Variants in NREP observed in about 807,000 individuals in gnomAD.
NREP encodes the protein neuronal regeneration related protein.
Under a neutral mutation model 8.6 loss-of-function variants are expected in NREP, and 5 were observed. The ratio of observed to expected loss-of-function variants is 0.58; its 90% CI spans 0.30 to 1.22. The LOEUF (loss-of-function observed/expected upper bound fraction) is 1.22, where lower values mean the gene tolerates loss of function less well. NREP is among the 50% of genes most tolerant of loss of function. The probability of loss-of-function intolerance (pLI) is 0.07; values close to 1 mark genes in which losing one functional copy is unlikely to be tolerated. For missense variants in NREP, 86 were observed against 82.5 expected (o/e 1.04, Z -0.17); for synonymous variants, 27 against 28.0 (o/e 0.96, Z 0.11).
intron 2 of NREP, among the ~76,000 whole-genome samples, chr5:111,899,360 A>C (rs1754587709): frequency 1.3e-5 from 2 of 152,256 alleles, no homozygotes; most frequent in African/African-American, 2.4e-5. Flanking sequence ...CAGAACATTT[A>C]AAAATTAGTC....
At chr5:111,955,598 G>A (rs1006461602) in intron 2 of NREP, among the ~76,000 whole-genome samples, 1 of 152,062 alleles carries the variant, frequency 6.6e-6, no homozygotes, top group East Asian at 1.9e-4. Flanking sequence ...TGTGTAAGGG[G>A]AACTTCGTGG....
chr5:111,752,375 G>A (rs1750415184), intron 2 of NREP, among the ~76,000 whole-genome samples: 1 of 152,060 alleles, frequency 6.6e-6, no homozygotes, highest in Non-Finnish European at 1.5e-5. Context: ...CTGTTCACTG[G>A]AAACTGTGGT....
rs1470388912 is a variant in NREP at position 111,884,150 on chromosome 5, C to T, written c.135+91124G>A. On this transcript the variant is annotated intron_variant, in intron 2 of 3. Transcript: ENST00000395634. ...AAAATGATAAAGGGGATATCACCAC[C>T]GATCCCACAGAAATACAAACTACCA... 7.3e-5 allele frequency among the ~76,000 whole-genome samples: 11 copies of T among 151,708 alleles called. No individual in the cohort carries two copies. The East Asian group carries it at 9.7e-4, about 13-fold the overall frequency.
intron 2 of NREP, among the ~76,000 whole-genome samples, chr5:111,864,784 C>T (rs1753628893): frequency 6.6e-6 from 1 of 151,800 alleles, no homozygotes; most frequent in African/African-American, 2.4e-5. Flanking sequence ...AATATCGTAC[C>T]TATCAAAATT....
intron 2 of NREP, among the ~76,000 whole-genome samples, chr5:111,888,388 G>C (rs1754314874): frequency 6.6e-6 from 1 of 152,094 alleles, no homozygotes; most frequent in Non-Finnish European, 1.5e-5. Context: ...AGGCAAAGGA[G>C]AAGCAAGGCA....
intron 2 of NREP, among the ~76,000 whole-genome samples, chr5:111,933,308 T>C (rs2112602315): frequency 6.6e-6 from 1 of 152,232 alleles, no homozygotes; most frequent in African/African-American, 2.4e-5. Flanking sequence ...ACACAGATTA[T>C]TTTCCTTAGT....
chr5:111,769,821 G>C (rs967022700), intron 2 of NREP, among the ~76,000 whole-genome samples: 1 of 152,032 alleles, frequency 6.6e-6, no homozygotes, highest in Non-Finnish European at 1.5e-5. Context: ...GAACAACAAG[G>C]GGGAAACCTA....
intron 2 of NREP, among the ~76,000 whole-genome samples, chr5:111,780,484 T>C (rs1381259720): frequency 6.6e-6 from 1 of 152,088 alleles, no homozygotes; most frequent in African/African-American, 2.4e-5. Flanking sequence ...TCTAAGTTAT[T>C]TGGCTACAAT....
At chr5:111,843,233 A>T (rs182100837) in intron 2 of NREP, among the ~76,000 whole-genome samples, 1,885 of 151,862 alleles carry the variant, frequency 0.012, 14 homozygotes, top group Middle Eastern at 0.065. Context: ...TTCACTTTTT[A>T]AAATTTTTTG....
intron 2 of NREP, among the ~76,000 whole-genome samples, chr5:111,854,270 G>A (rs1211367314): frequency 6.6e-6 from 1 of 152,186 alleles, no homozygotes; most frequent in African/African-American, 2.4e-5. Context: ...GAGGGGCTCA[G>A]CAGTTCTTCA....
chr5:111,878,505 C>T (rs962123648), intron 2 of NREP, among the ~76,000 whole-genome samples: 3 of 152,204 alleles, frequency 2.0e-5, no homozygotes, highest in Middle Eastern at 3.2e-3. Context: ...CACCTCCCAT[C>T]AGGTCTCTCC....
intron 2 of NREP, among the ~76,000 whole-genome samples, chr5:111,869,652 G>C (rs776354490): frequency 6.6e-6 from 1 of 152,104 alleles, no homozygotes; most frequent in Non-Finnish European, 1.5e-5. Flanking sequence ...GAAAGAAAAC[G>C]GAATCATGAG....
chr5:111,731,125 A>C, intron 3 of NREP, 79 bp from the exon 4 acceptor site: 23 of 1,546,314 alleles, frequency 1.5e-5, no homozygotes, highest in Non-Finnish European at 1.9e-5. Context: ...CCATTTTTTA[A>C]AATTTTGCTT....
intron 2 of NREP, among the ~76,000 whole-genome samples, chr5:111,884,437 C>T (rs1754181136): frequency 6.6e-6 from 1 of 151,904 alleles, no homozygotes; most frequent in Non-Finnish European, 1.5e-5. Context: ...CTATTCCAAT[C>T]AATAGAAAAA....
chr5:111,959,103 A>C (rs1424415317), intron 2 of NREP, among the ~76,000 whole-genome samples: 2 of 152,006 alleles, frequency 1.3e-5, no homozygotes, highest in East Asian at 3.9e-4. Context: ...CAAACCTATT[A>C]AAAGCATGAG....
chr5:111,965,322 T>C (rs942631144), intron 2 of NREP, among the ~76,000 whole-genome samples: 6 of 152,164 alleles, frequency 3.9e-5, no homozygotes, highest in African/African-American at 1.4e-4. Flanking sequence ...CCAATTAAAA[T>C]ATTTAATACA....
intron 2 of NREP, among the ~76,000 whole-genome samples, chr5:111,744,672 T>C (rs961931643): frequency 3.3e-5 from 5 of 152,020 alleles, no homozygotes; most frequent in Admixed American, 6.5e-5. Flanking sequence ...GGCAGTACCA[T>C]GTGAGGCAGA....
chr5:111,805,337 C>T (rs1752115685), intron 2 of NREP, among the ~76,000 whole-genome samples: 1 of 152,148 alleles, frequency 6.6e-6, no homozygotes. Context: ...AAAGTTAAGA[C>T]TACAACAACC....
At chr5:111,913,423 A>G (rs1376190516) in intron 2 of NREP, among the ~76,000 whole-genome samples, 1 of 152,100 alleles carries the variant, frequency 6.6e-6, no homozygotes, top group Non-Finnish European at 1.5e-5. Context: ...CTAGCAGAAG[A>G]AAAAGAATGA....
Sources: gnomAD v4.1 joint callset for allele counts (sites outside exome capture counted in the v4.1 genomes callset) on GRCh38, gnomAD v4.1.1 for gene constraint, MANE v1.5 for transcripts, NCBI Gene and HGNC (gene_info 2026-07-23, HGNC 2026-07-21) for gene names.